The following NEB variants were observed in gnomAD, a reference collection of about 807,000 sequenced individuals.
The protein encoded by NEB is nemaline myopathy type 2.
Under a neutral mutation model 952.2 loss-of-function variants are expected in NEB, and 512 were observed. That is an observed-to-expected ratio of 0.54 (90% CI 0.50 to 0.58). The LOEUF (loss-of-function observed/expected upper bound fraction) is 0.58, where lower values mean the gene tolerates loss of function less well. Ranked by LOEUF, NEB falls within the 20% of genes least tolerant of loss-of-function variation. NEB has a pLI of 0.00. For missense variants in NEB, 8,428 were observed against 9,231.1 expected (o/e 0.91, Z 3.56); for synonymous variants, 2,900 against 3,149.8 (o/e 0.92, Z 2.66).
intron 69 of NEB, 46 bp downstream of exon 69, chr2:151,627,477 T>A (rs2098548312): frequency 6.3e-7 from 1 of 1,591,022 alleles, no homozygotes; most frequent in East Asian, 2.2e-5. Flanking sequence ...AGTATTTCTA[T>A]GAATTACTAT....
Position 151,616,019 on chromosome 2 carries a change from T to C in NEB, c.11272A>G (p.Arg3758Gly), listed in dbSNP as rs764528061. 4 of 1,612,262 alleles carry C rather than the reference T, an allele frequency of 2.5e-6. No homozygotes were observed. In the East Asian group the frequency reaches 6.7e-5, roughly 27 times the overall value. ...CCACTTACATCACTAGCAATATCTC[T>C]TGAAGCCTTGGCTGCTTGGATTGGA... is the stretch of plus-strand genomic sequence containing the variant. ...AIPIQAAKAS[R>G]DIASDYKYKE... The change falls in exon 76 of 182, where the codon AGA becomes GGA. Residue 3758 changes from arginine (R) to glycine (G), a missense_variant. Arg to Gly is a moderately radical substitution (Grantham distance 125). Around this residue, in one of 11 missense-constraint regions of NEB, gnomAD observed 1,772 missense variants for 1,960.3 expected, o/e 0.90. Coordinates refer to ENST00000397345, the MANE Select transcript of NEB (RefSeq NM_001164508.2).
Position 151,570,534 on chromosome 2 carries a change from A to G in NEB, c.17081T>C (p.Ile5694Thr). 8.1e-6 allele frequency: 13 copies of G among 1,611,688 alleles called. No homozygotes were observed. Among genetic ancestry groups the G allele is most frequent in the Non-Finnish European group, 1.1e-5 (13 of 1,179,056 alleles). The change falls in exon 108 of 182, where the codon ATC becomes ACC. Residue 5694 changes from isoleucine (I) to threonine (T), a missense_variant. Ile to Thr is a moderately conservative substitution (Grantham distance 89). Transcript: ENST00000397345. ...GCDVRLDAIP[I>T]QAAKASREIA... ...CTCCCTGGAGGCCTTGGCAGCCTGG[A>G]TGGGGATGGCATCCAGCCGGACATC...
At chr2:151,661,175 T>C (rs2099144352) in intron 46 of NEB, among the ~76,000 whole-genome samples, 1 of 152,180 alleles carries the variant, frequency 6.6e-6, no homozygotes, top group Non-Finnish European at 1.5e-5. Context: ...CAGTACGTGC[T>C]AGTTCTATGA....
At chr2:151,568,005 C>A in intron 113 of NEB, 66 bp downstream of exon 113, 1 of 1,249,332 alleles carries the variant, frequency 8.0e-7, no homozygotes. Flanking sequence ...CTGCCTTTGG[C>A]ATAACTGGAA....
At chr2:151,584,102 C>T (rs1437946669) in intron 100 of NEB, among the ~76,000 whole-genome samples, 3 of 41,912 alleles carry the variant, frequency 7.2e-5, no homozygotes, top group African/African-American at 1.0e-4. Flanking sequence ...CCATGTTTTT[C>T]GGTCAAAAAT....
chr2:151,523,756 C>T (rs1368953839), intron 153 of NEB, among the ~76,000 whole-genome samples: 1 of 152,228 alleles, frequency 6.6e-6, no homozygotes, highest in African/African-American at 2.4e-5. Context: ...CATTCTCCAT[C>T]AGCACCCTGT....
intron 35 of NEB, 108 bp from the exon 36 acceptor site, chr2:151,674,692 T>G: frequency 1.3e-6 from 1 of 785,348 alleles, no homozygotes; most frequent in South Asian, 1.5e-5. Flanking sequence ...TCATAGCACA[T>G]ACTGCTTTAG....
At chr2:151,492,558 A>C in intron 176 of NEB, 64 bp from the exon 177 acceptor site, 1 of 1,255,702 alleles carries the variant, frequency 8.0e-7, no homozygotes, top group Non-Finnish European at 1.1e-6. Context: ...AAGCCTTTCC[A>C]GCAGATAGAG....
At chr2:151,652,909 T>C (rs2099046307) in intron 52 of NEB, among the ~76,000 whole-genome samples, 1 of 152,142 alleles carries the variant, frequency 6.6e-6, no homozygotes, top group South Asian at 2.1e-4. Flanking sequence ...TGGAAATGAG[T>C]TTACACATCA....
chr2:151,549,881 G>T lies in NEB; in HGVS notation c.19945-141C>A, dbSNP rs140956188. ...TGCTCACTGAATTGATTTCAGGAGA[G>T]AATTAAATACATTCTAAGAGTCATA... On this transcript the variant is annotated intron_variant, in intron 129 of 181. Coordinates refer to ENST00000397345, the MANE Select transcript of NEB (RefSeq NM_001164508.2). 1.5e-4 allele frequency: 88 copies of T among 606,432 alleles called. 1 individual carries two copies. The East Asian group carries it at 2.4e-3, about 16-fold the overall frequency. 37.6% of individuals were successfully genotyped at this position (606,432 alleles called of 1,614,324 possible).
chr2:151,659,181 A>T lies in NEB; in HGVS notation c.5971-12T>A. 1 of 1,571,954 alleles carries T rather than the reference A, an allele frequency of 6.4e-7. No homozygotes were observed. On this transcript the variant is annotated splice_polypyrimidine_tract_variant and intron_variant, in intron 46 of 181. Transcript: ENST00000397345. ...TGTTTGTAGAGATGCTAGGAAAAAA[A>T]CAGTGTAAATTAGTGTTTAAAATCT...
Position 151,491,714 on chromosome 2 carries a change from G to T in NEB, c.25119C>A (p.Asn8373Lys), listed in dbSNP as rs765813999. The T allele has an allele frequency of 1.3e-6, 2 of 1,598,122 alleles. No individual in the cohort carries two copies. The highest frequency in any genetic ancestry group is 3.5e-5 in the Admixed American group (2 of 57,938). ...TCATGTGTAAGCTTCGGGACTGGAT[G>T]TTGTCTTCTGCTGGATCATAGTCAA... Reference protein sequence around the residue: ...SVFDYDPAEDNIQSRSLHMIN... With the variant: ...SVFDYDPAEDKIQSRSLHMIN... The change falls in exon 179 of 182, where the codon AAC becomes AAA. Residue 8373 changes from asparagine (N) to lysine (K), a missense_variant. By Grantham distance (94) the Asn-to-Lys change is moderately conservative. Coordinates refer to ENST00000397345, the MANE Select transcript of NEB (RefSeq NM_001164508.2).
At chr2:151,518,863 C>G in intron 155 of NEB, 102 bp downstream of exon 155, 7 of 723,462 alleles carry the variant, frequency 9.7e-6, no homozygotes, top group Non-Finnish European at 1.7e-5. Flanking sequence ...TGTAATAAAT[C>G]TAGGGTATCA....
chr2:151,622,078 C>T (rs1000851033), intron 71 of NEB, among the ~76,000 whole-genome samples: 2 of 152,056 alleles, frequency 1.3e-5, no homozygotes, highest in African/African-American at 4.8e-5. Flanking sequence ...GGCACAATCT[C>T]GGCTCACTGC....
chr2:151,644,231 TAGAGA>T, intron 56 of NEB, 102 bp from the exon 57 acceptor site: 1 of 1,459,298 alleles, frequency 6.9e-7, no homozygotes, highest in Non-Finnish European at 9.3e-7. Flanking sequence ...TTACTAAGCC[TAGAGA>T]GCCAAAGACT....
In NEB at chr2:151,533,551, C is replaced by G. The variant is rs2153515816; in HGVS notation, c.21313-5G>C. 2 of 1,537,330 alleles carry G rather than the reference C, an allele frequency of 1.3e-6. No individual in the cohort carries two copies. The highest frequency in any genetic ancestry group is 2.4e-5 in the South Asian group (2 of 83,784). ...GGCACTAGATTTATATTTTCTCTGT[C>G]CATGCAAAGAGCAGTGAAGCACAAA... On this transcript the variant is annotated splice_region_variant and splice_polypyrimidine_tract_variant and intron_variant, in intron 142 of 181. Coordinates refer to ENST00000397345, the MANE Select transcript of NEB (RefSeq NM_001164508.2).
chr2:151,637,741 A>G (rs1218782007), intron 63 of NEB, among the ~76,000 whole-genome samples: 1 of 152,230 alleles, frequency 6.6e-6, no homozygotes, highest in African/African-American at 2.4e-5. Flanking sequence ...CATGTAATGC[A>G]TGGTTTCCTG....
chr2:151,664,383 A>G, intron 44 of NEB, 118 bp downstream of exon 44: 1 of 664,208 alleles, frequency 1.5e-6, no homozygotes, highest in Non-Finnish European at 2.5e-6. Context: ...CTTGTGTCAC[A>G]TGGGATGGCA....
intron 18 of NEB, among the ~76,000 whole-genome samples, chr2:151,694,876 T>C (rs1350983703): frequency 6.6e-6 from 1 of 152,216 alleles, no homozygotes; most frequent in African/African-American, 2.4e-5. Flanking sequence ...ATTATACTCA[T>C]ATTTGATTCC....
Sources: allele counts gnomAD v4.1 joint callset (sites outside exome capture counted in the v4.1 genomes callset), GRCh38; gene constraint gnomAD v4.1.1; regional missense constraint gnomAD v4.1.1; transcripts MANE v1.5; gene names NCBI Gene and HGNC (gene_info 2026-07-23, HGNC 2026-07-21).